The following DSCAM variants were observed in gnomAD, a reference collection of about 807,000 sequenced individuals.
The protein encoded by DSCAM is cell adhesion molecule DSCAM.
Under a neutral mutation model 217.7 loss-of-function variants are expected in DSCAM, and 47 were observed. That is an observed-to-expected ratio of 0.22 (90% CI 0.17 to 0.28). The LOEUF is 0.28. Ranked by LOEUF, DSCAM falls within the 10% of genes least tolerant of loss-of-function variation. The probability of loss-of-function intolerance (pLI) is 1.00; values close to 1 mark genes in which losing one functional copy is unlikely to be tolerated. For synonymous variants in DSCAM, 1,056 were observed against 1,015.3 expected (o/e 1.04, Z -0.76); for missense variants, 2,080 against 2,618.3 (o/e 0.79, Z 4.49).
chr21:40,560,516 C>G (rs978016724), intron 3 of DSCAM, among the ~76,000 whole-genome samples: 2 of 152,162 alleles, frequency 1.3e-5, no homozygotes, highest in Non-Finnish European at 2.9e-5. Context: ...TCAGTCTACC[C>G]GTTGTTAATA....
chr21:40,152,656 G>A lies in DSCAM; in HGVS notation c.3019-7925C>T, dbSNP rs202168336. On this transcript the variant is annotated intron_variant, in intron 16 of 32. Coordinates refer to ENST00000400454, the MANE Select transcript of DSCAM (RefSeq NM_001389.5). ...ATCTCCATGACAACAGTCGCACCAT[G>A]TCAATGTATTTGCACGGTGTGCAAG... 2.6e-5 allele frequency among the ~76,000 whole-genome samples: 4 copies of A among 152,360 alleles called. No homozygotes were observed. In the East Asian group the frequency reaches 7.7e-4, roughly 29 times the overall value.
intron 27 of DSCAM, among the ~76,000 whole-genome samples, chr21:40,069,803 G>A (rs1311122562): frequency 6.6e-6 from 1 of 152,144 alleles, no homozygotes; most frequent in African/African-American, 2.4e-5. Context: ...CTGCATTTAT[G>A]TTTTTATAAG....
chr21:40,035,667 A>C (rs1305618162), intron 32 of DSCAM, among the ~76,000 whole-genome samples: 1 of 150,462 alleles, frequency 6.6e-6, no homozygotes, highest in Non-Finnish European at 1.5e-5. Flanking sequence ...AAGTGGACCT[A>C]ATAGACATCT....
At chr21:40,666,622 T>C (rs1206201487) in intron 3 of DSCAM, among the ~76,000 whole-genome samples, 1 of 152,216 alleles carries the variant, frequency 6.6e-6, no homozygotes, top group East Asian at 1.9e-4. Flanking sequence ...ATAAGTATGG[T>C]AAAGCCCCCG....
At chr21:40,710,182 T>C (rs563159309) in intron 1 of DSCAM, among the ~76,000 whole-genome samples, 1 of 101,674 alleles carries the variant, frequency 9.8e-6, no homozygotes, top group East Asian at 3.3e-4. Context: ...TTTGATGGGG[T>C]TTTTTTTCTT....
chr21:40,186,790 G>A (rs538937120), intron 14 of DSCAM, among the ~76,000 whole-genome samples: 2 of 152,350 alleles, frequency 1.3e-5, no homozygotes, highest in East Asian at 1.9e-4. Context: ...AACGGGAAGT[G>A]AAGGGAGCAG....
chr21:40,485,705 C>T (rs954084327), intron 3 of DSCAM, among the ~76,000 whole-genome samples: 1 of 152,040 alleles, frequency 6.6e-6, no homozygotes, highest in East Asian at 1.9e-4. Flanking sequence ...ATGTTACTTA[C>T]ATGCATATGT....
intron 6 of DSCAM, among the ~76,000 whole-genome samples, 162 bp downstream of exon 6, chr21:40,347,508 C>T (rs1017419154): frequency 6.6e-6 from 1 of 152,182 alleles, no homozygotes; most frequent in African/African-American, 2.4e-5. Flanking sequence ...CTTTCTCTCC[C>T]ATTTGCCTGA....
At chr21:40,700,225 G>T (rs2091896) in intron 2 of DSCAM, among the ~76,000 whole-genome samples, 20,167 of 152,236 alleles carry the variant, frequency 0.13, 2,386 homozygotes, top group African/African-American at 0.32. Context: ...GAACCTCCAG[G>T]ACGATGTAGA....
intron 1 of DSCAM, among the ~76,000 whole-genome samples, chr21:40,774,192 T>C (rs1479278913): frequency 6.7e-6 from 1 of 150,028 alleles, no homozygotes; most frequent in Non-Finnish European, 1.5e-5. Context: ...CAATCTTTTT[T>C]CTCTCTCTCT....
At chr21:40,488,961 C>A (rs891684347) in intron 3 of DSCAM, among the ~76,000 whole-genome samples, 2 of 152,154 alleles carry the variant, frequency 1.3e-5, no homozygotes, top group African/African-American at 4.8e-5. Context: ...ACTATGCAAT[C>A]CTCATGTATA....
chr21:40,840,061 A>T (rs1208930905), intron 1 of DSCAM, among the ~76,000 whole-genome samples: 1 of 152,210 alleles, frequency 6.6e-6, no homozygotes, highest in African/African-American at 2.4e-5. Context: ...GAACAAATAG[A>T]GATGTCCAAA....
Position 40,085,642 on chromosome 21 carries a change from G to A in DSCAM, c.4092C>T (p.Asn1364=). 2 of 1,583,454 alleles carry A rather than the reference G, an allele frequency of 1.3e-6. No homozygotes were observed. Among genetic ancestry groups the A allele is most frequent in the Non-Finnish European group, 8.6e-7 (1 of 1,156,348 alleles). The change falls in exon 23 of 33, where the codon AAC becomes AAT. Residue 1364 remains asparagine (N), a synonymous_variant. Transcript: ENST00000400454. ...TTAAAATAATTTCATCAGATCCCCA[G>A]TTGTTATTGGCAATGCAGCTGTAAT... ...SGYYSCIANN[N]WGSDEIILNL...
chr21:40,621,529 C>CAA (rs2089517196), intron 3 of DSCAM: 1 of 152,054 alleles, frequency 6.6e-6, no homozygotes, highest in Non-Finnish European at 1.5e-5. Context: ...ATGCCCTTTG[C>CAA]AGCCAGGCCA....
At chr21:40,423,594 C>T (rs534690202) in intron 3 of DSCAM, among the ~76,000 whole-genome samples, 52 of 152,290 alleles carry the variant, frequency 3.4e-4, no homozygotes, top group African/African-American at 8.7e-4. Context: ...AGTGTACTTC[C>T]CTTTCTTTCC....
At chr21:40,550,810 A>C in intron 3 of DSCAM, among the ~76,000 whole-genome samples, 1 of 152,206 alleles carries the variant, frequency 6.6e-6, no homozygotes, top group East Asian at 1.9e-4. Flanking sequence ...ACATTTATGG[A>C]CAGAAAAAGG....
chr21:40,476,538 C>G (rs1000346216), intron 3 of DSCAM, among the ~76,000 whole-genome samples: 1 of 152,172 alleles, frequency 6.6e-6, no homozygotes, highest in Non-Finnish European at 1.5e-5. Context: ...ATAGAGTTTG[C>G]TCACAACCTT....
rs2092149527 is a variant in DSCAM, at chr21:40,846,776, C to T, written c.-115G>A. The T allele has an allele frequency of 3.3e-5, 11 of 333,116 alleles. No homozygotes were observed. The South Asian group carries it at 1.2e-3, about 37-fold the overall frequency. 20.6% of individuals were successfully genotyped at this position (333,116 alleles called of 1,614,324 possible). A position where few individuals can be genotyped will look rare whatever the true frequency, so the allele number is the denominator to read the frequency against. ...CTGCCCGGGGGCCGCCGCCCGCCCG[C>T]CGCCCGCCGCCGCCGCCGCCGCTGC... On this transcript the variant is annotated 5_prime_UTR_variant, in exon 1 of 33. Transcript: ENST00000400454.
intron 3 of DSCAM, among the ~76,000 whole-genome samples, chr21:40,484,553 T>C (rs13047061): frequency 0.016 from 2,463 of 152,330 alleles, 36 homozygotes; most frequent in Non-Finnish European, 0.028. Context: ...TTTGACTCAA[T>C]GTTCATCTGC....
Sources: allele counts gnomAD v4.1 joint callset (sites outside exome capture counted in the v4.1 genomes callset), GRCh38; gene constraint gnomAD v4.1.1; transcripts MANE v1.5; gene names NCBI Gene and HGNC (gene_info 2026-07-23, HGNC 2026-07-21).